The following LENG9 variants were observed in gnomAD, a reference collection of about 807,000 sequenced individuals.
LENG9 encodes the protein leukocyte receptor cluster member 9.
For synonymous variants in LENG9, 410 were observed against 303.9 expected (o/e 1.35, Z -3.63); for missense variants, 872 against 652.7 (o/e 1.34, Z -3.66).
Position 54,461,734 on chromosome 19 carries a change from G to GC in LENG9, c.*355dup. On this transcript the variant is annotated 3_prime_UTR_variant, in exon 1 of 1. Coordinates refer to ENST00000611161, the MANE Select transcript of LENG9 (RefSeq NM_001301782.2). ...ATGGATCACCAGCTCACGTCATGTTGCCTTCTCTTTTCTTTGTGTGTGTGT... is the reference window on the plus strand; with the variant it reads ...ATGGATCACCAGCTCACGTCATGTTGCCCTTCTCTTTTCTTTGTGTGTGTGT... 1 of 514,164 alleles carries GC rather than the reference G, an allele frequency of 1.9e-6. No homozygotes were observed. The highest frequency in any genetic ancestry group is 3.9e-6 in the Non-Finnish European group (1 of 256,590). The allele number at this position is 514,164 out of a possible 1,614,324, so 31.9% of individuals were successfully genotyped here.
Position 54,462,146 on chromosome 19 carries a change from G to C in LENG9, c.1381C>G (p.Arg461Gly). 1 of 1,604,312 alleles carries C rather than the reference G, an allele frequency of 6.2e-7. No homozygotes were observed. The highest frequency in any genetic ancestry group is 8.5e-7 in the Non-Finnish European group (1 of 1,174,442). Residue 461 changes from arginine (R) to glycine (G), a missense_variant, in exon 1 of 1, where the codon CGT (arginine) becomes GGT (glycine). By Grantham distance (125) the Arg-to-Gly change is moderately radical. Transcript: ENST00000611161. ...AAAGGCCCCCCTGTCCTCCCTATAC[G>C]GCACAGCCAGAGTGTCTGCAGGGGC... The part of the protein sequence containing the change: ...CQPLQTLWLC[R>G]IGRTGGPFQP...
rs1354378730 is a variant in LENG9, at chr19:54,461,873, A to G, written c.*217T>C. The G allele has an allele frequency of 2.8e-6, 2 of 717,232 alleles. No homozygotes were observed. Among genetic ancestry groups the G allele is most frequent in the Non-Finnish European group, 5.1e-6 (2 of 388,958 alleles). 44.4% of individuals were successfully genotyped at this position (717,232 alleles called of 1,614,324 possible). ...TGAGTTTGCAAACAGCTGGACTGTC[A>G]GGCTGCTTTTTTTCCAGATGTTCCT... On this transcript the variant is annotated 3_prime_UTR_variant, in exon 1 of 1. Transcript: ENST00000611161.
In LENG9 at chr19:54,463,220, C is replaced by A; in HGVS notation, c.307G>T (p.Ala103Ser). 6.5e-7 allele frequency: 1 copy of A among 1,549,996 alleles called. No homozygotes were observed. The highest frequency in any genetic ancestry group is 8.7e-7 in the Non-Finnish European group (1 of 1,154,106). The change falls in exon 1 of 1, where the codon GCC becomes TCC. Residue 103 changes from alanine (A) to serine (S), a missense_variant. Transcript: ENST00000611161. ...GCCAGCGGCTGGTCCCAGCAAAAGGCGCTGAAGGGCTCCTCGCGCACACCC... is the reference window on the plus strand; with the variant it reads ...GCCAGCGGCTGGTCCCAGCAAAAGGAGCTGAAGGGCTCCTCGCGCACACCC... ...FLGVREEPFS[A>S]FCWDQPLAAL... is the part of the protein sequence containing the mutation.
chr19:54,462,957 T>G lies in LENG9; in HGVS notation c.570A>C (p.Arg190=). ...TGQEAQAAPK[R]GSTRPLCTGH... is the part of the protein sequence containing the mutation. ...CTGTGCAGAGCGGCCTTGTGCTCCC[T>G]CGCTTGGGGGCAGCCTGGGCCTCCT... Residue 190 remains arginine (R), a synonymous_variant, in exon 1 of 1, where the codon CGA becomes CGC. Transcript: ENST00000611161. 1 of 1,610,158 alleles carries G rather than the reference T, an allele frequency of 6.2e-7. No individual in the cohort carries two copies. The highest frequency in any genetic ancestry group is 8.5e-7 in the Non-Finnish European group (1 of 1,179,832).
In LENG9 at chr19:54,462,063, A is replaced by G; in HGVS notation, c.*27T>C. On this transcript the variant is annotated 3_prime_UTR_variant, in exon 1 of 1. Coordinates refer to ENST00000611161, the MANE Select transcript of LENG9 (RefSeq NM_001301782.2). ...TTTCCTGTGTGGGCTGTTTGCATCC[A>G]TTGTCTCCTCCAGAGGTCTGGGGGT... The G allele has an allele frequency of 6.5e-7, 1 of 1,543,836 alleles. No individual in the cohort carries two copies. The highest frequency in any genetic ancestry group is 8.7e-7 in the Non-Finnish European group (1 of 1,148,646).
rs1569317169 is a variant in LENG9 at position 54,462,723 on chromosome 19, CTCAGCGGAG to C, written c.795_803del (p.Ser266_Glu268del). On this transcript the variant is annotated inframe_deletion, in exon 1 of 1. Coordinates refer to ENST00000611161, the MANE Select transcript of LENG9 (RefSeq NM_001301782.2). ...CAGGACCCCACTCGGCTTCTGTCGT[CTCAGCGGAG>C]CCCCCCGGGACTCCCAGGGCCTGTG... is the stretch of plus-strand genomic sequence containing the variant. 10 of 1,610,806 alleles carry C rather than the reference CTCAGCGGAG, an allele frequency of 6.2e-6. No homozygotes were observed. Among genetic ancestry groups the C allele is most frequent in the Non-Finnish European group, 8.5e-6 (10 of 1,179,994 alleles).
Position 54,462,334 on chromosome 19 carries a change from C to T in LENG9, c.1193G>A (p.Ser398Asn), listed in dbSNP as rs774265576. ...LCAPPSPTLE[S>N]MAQVLSQRLE... Reference sequence around the variant, plus strand: ...CCTCTGGCTCAGCACTTGTGCCATGCTTTCCAGTGTGGGAGAGGGTGGGGC... The same window carrying T: ...CCTCTGGCTCAGCACTTGTGCCATGTTTTCCAGTGTGGGAGAGGGTGGGGC... The change falls in exon 1 of 1, where the codon AGC (serine) becomes AAC (asparagine). Residue 398 changes from serine to asparagine, a missense_variant. By Grantham distance (46) the Ser-to-Asn change is conservative. Coordinates refer to ENST00000611161, the MANE Select transcript of LENG9 (RefSeq NM_001301782.2). 4 of 1,607,598 alleles carry T rather than the reference C, an allele frequency of 2.5e-6. No individual in the cohort carries two copies. In the Admixed American group the frequency reaches 5.0e-5, roughly 20 times the overall value.
At position 54,463,570 on chromosome 19, in the gene LENG9, C is replaced by G; in HGVS notation, c.-44G>C. 7.3e-7 allele frequency: 1 copy of G among 1,368,524 alleles called. No individual in the cohort carries two copies. 84.8% of individuals were successfully genotyped at this position (1,368,524 alleles called of 1,614,324 possible). A position where few individuals can be genotyped will look rare whatever the true frequency, so the allele number is the denominator to read the frequency against. ...CGCCCGCCGCGCAGACGAGGTCGCC[C>G]CGCACGGAGGGCGGCTCCCCTTGGA... On this transcript the variant is annotated 5_prime_UTR_variant, in exon 1 of 1. Coordinates refer to ENST00000611161, the MANE Select transcript of LENG9 (RefSeq NM_001301782.2).
Position 54,462,975 on chromosome 19 carries a change from G to A in LENG9, c.552C>T (p.Ala184=). 5.0e-6 allele frequency: 8 copies of A among 1,607,314 alleles called. No individual in the cohort carries two copies. Among genetic ancestry groups the A allele is most frequent in the South Asian group, 1.1e-5 (1 of 91,014 alleles). The part of the protein sequence containing the change: ...EWTLAGTGQE[A]QAAPKRGSTR... ...TGCTCCCTCGCTTGGGGGCAGCCTG[G>A]GCCTCCTGACCTGTCCCCGCCAGTG... Residue 184 remains alanine, a synonymous_variant, in exon 1 of 1, where the codon GCC becomes GCT. Transcript: ENST00000611161.
In LENG9 at chr19:54,462,693, G is replaced by A; in HGVS notation, c.834C>T (p.Ala278=). The change falls in exon 1 of 1, where the codon GCC becomes GCT. Residue 278 remains alanine (A), a synonymous_variant. Transcript: ENST00000611161. ...GGCGGGCCCTTTTGTCCTCGGGCCA[G>A]GCCGCAGGACCCCACTCGGCTTCTG... ...ETTEAEWGPA[A]WPEDKRARLS... The A allele has an allele frequency of 6.2e-7, 1 of 1,611,186 alleles. No individual in the cohort carries two copies. The highest frequency in any genetic ancestry group is 1.3e-5 in the African/African-American group (1 of 75,052).
rs1449353577 is a variant in LENG9, at chr19:54,462,068, C to G, written c.*22G>C. 6.9e-5 allele frequency: 107 copies of G among 1,546,142 alleles called. No homozygotes were observed. The East Asian group carries it at 2.3e-3, about 33-fold the overall frequency. On this transcript the variant is annotated 3_prime_UTR_variant, in exon 1 of 1. Coordinates refer to ENST00000611161, the MANE Select transcript of LENG9 (RefSeq NM_001301782.2). ...TGTGTGGGCTGTTTGCATCCATTGTCTCCTCCAGAGGTCTGGGGGTGTCAC... is the reference window on the plus strand; with the variant it reads ...TGTGTGGGCTGTTTGCATCCATTGTGTCCTCCAGAGGTCTGGGGGTGTCAC...
In LENG9 at chr19:54,463,356, G is replaced by C; in HGVS notation, c.171C>G (p.Ala57=). 1 of 1,370,092 alleles carries C rather than the reference G, an allele frequency of 7.3e-7. No individual in the cohort carries two copies. Among genetic ancestry groups the C allele is most frequent in the Non-Finnish European group, 9.4e-7 (1 of 1,064,044 alleles). 84.9% of individuals were successfully genotyped at this position (1,370,092 alleles called of 1,614,324 possible). Residue 57 remains alanine (A), a synonymous_variant, in exon 1 of 1, where the codon GCC becomes GCG. Transcript: ENST00000611161. ...TGCGCAGCGGCGGCTTCTTGGCCCCGGCCTCCGGCTGCGCCTCGCGGCCAG... is the reference window on the plus strand; with the variant it reads ...TGCGCAGCGGCGGCTTCTTGGCCCCCGCCTCCGGCTGCGCCTCGCGGCCAG... The part of the protein sequence containing the change: ...APPGREAQPE[A]GAKKPPLRTA...
Position 54,463,701 on chromosome 19 carries a change from G to C in LENG9, c.-175C>G. 1 of 855,172 alleles carries C rather than the reference G, an allele frequency of 1.2e-6. No homozygotes were observed. Among genetic ancestry groups the C allele is most frequent in the South Asian group, 5.5e-5 (1 of 18,334 alleles). The allele number at this position is 855,172 out of a possible 1,614,324, so 53.0% of individuals were successfully genotyped here. A position where few individuals can be genotyped will look rare whatever the true frequency, so the allele number is the denominator to read the frequency against. Reference sequence around the variant, plus strand: ...AGGACTCTGGCCCAGTCCCTCCTTGGTGGAGAGCCTGACACCGCTGCTCTG... The same window carrying C: ...AGGACTCTGGCCCAGTCCCTCCTTGCTGGAGAGCCTGACACCGCTGCTCTG... On this transcript the variant is annotated 5_prime_UTR_variant, in exon 1 of 1. Transcript: ENST00000611161.
Position 54,462,224 on chromosome 19 carries a change from G to A in LENG9, c.1303C>T (p.Gln435Ter). The change falls in exon 1 of 1, where the codon CAG (glutamine) becomes TAG (stop). Residue 435 changes from glutamine (Q) to a stop codon, truncating the protein, a stop_gained. Transcript: ENST00000611161. LOFTEE classifies it low-confidence loss of function (END_TRUNC). Reference protein sequence around the residue: ...LTVAKVPHGSQVHLPKLEFTL... With the variant: ...LTVAKVPHGS ...AACTCCAGCTTGGGGAGGTGGACCTGGGAACCATGGGGCACCTTGGCCACG... is the reference window on the plus strand; with the variant it reads ...AACTCCAGCTTGGGGAGGTGGACCTAGGAACCATGGGGCACCTTGGCCACG... The A allele has an allele frequency of 6.2e-7, 1 of 1,613,560 alleles. No individual in the cohort carries two copies. The highest frequency in any genetic ancestry group is 1.1e-5 in the South Asian group (1 of 91,014).
rs776692966 is a variant in LENG9 at position 54,462,087 on chromosome 19, G to A, written c.*3C>T. The A allele has an allele frequency of 2.2e-5, 35 of 1,559,142 alleles. No homozygotes were observed. The highest frequency in any genetic ancestry group is 2.8e-5 in the Non-Finnish European group (32 of 1,153,726). On this transcript the variant is annotated 3_prime_UTR_variant, in exon 1 of 1. Transcript: ENST00000611161. ...CATTGTCTCCTCCAGAGGTCTGGGGGTGTCACTCCAGGGGGATCTCAGCCA... is the reference window on the plus strand; with the variant it reads ...CATTGTCTCCTCCAGAGGTCTGGGGATGTCACTCCAGGGGGATCTCAGCCA...
In LENG9 at chr19:54,462,742, A is replaced by G. The variant is rs1450038428; in HGVS notation, c.785T>C (p.Val262Ala). Residue 262 changes from valine to alanine, a missense_variant, in exon 1 of 1, where the codon GTC becomes GCC. By Grantham distance (64) the Val-to-Ala change is moderately conservative. Coordinates refer to ENST00000611161, the MANE Select transcript of LENG9 (RefSeq NM_001301782.2). ...TGTCGTCTCAGCGGAGCCCCCCGGGACTCCCAGGGCCTGTGCTTCCTTGCC... is the reference window on the plus strand; with the variant it reads ...TGTCGTCTCAGCGGAGCCCCCCGGGGCTCCCAGGGCCTGTGCTTCCTTGCC... ...LGGKEAQALGVPGGSAETTEA... is the reference protein window; with the variant it reads ...LGGKEAQALGAPGGSAETTEA... 1.2e-6 allele frequency: 2 copies of G among 1,610,130 alleles called. No individual in the cohort carries two copies. Among genetic ancestry groups the G allele is most frequent in the African/African-American group, 1.3e-5 (1 of 74,580 alleles).
chr19:54,462,987 T>G lies in LENG9; in HGVS notation c.540A>C (p.Thr180=). Residue 180 remains threonine, a synonymous_variant, in exon 1 of 1, where the codon ACA becomes ACC. Transcript: ENST00000611161. ...AEGAEWTLAG[T]GQEAQAAPKR... is the part of the protein sequence containing the mutation. Reference sequence around the variant, plus strand: ...TGGGGGCAGCCTGGGCCTCCTGACCTGTCCCCGCCAGTGTCCACTCGGCAC... The same window carrying G: ...TGGGGGCAGCCTGGGCCTCCTGACCGGTCCCCGCCAGTGTCCACTCGGCAC... 1 of 1,604,684 alleles carries G rather than the reference T, an allele frequency of 6.2e-7. No individual in the cohort carries two copies. The highest frequency in any genetic ancestry group is 8.5e-7 in the Non-Finnish European group (1 of 1,179,064).
Position 54,463,387 on chromosome 19 carries a change from G to C in LENG9, c.140C>G (p.Ala47Gly). The change falls in exon 1 of 1, where the codon GCG becomes GGG. Residue 47 changes from alanine (A) to glycine (G), a missense_variant. Transcript: ENST00000611161. ...CGGCTGCGCCTCGCGGCCAGGCGGC[G>C]CCGGCGCCCCAGGGTGGGGCTGGCG... ...RCRQPHPGAP[A>G]PPGREAQPEA... 1.5e-6 allele frequency: 2 copies of C among 1,293,824 alleles called. No homozygotes were observed. The highest frequency in any genetic ancestry group is 2.0e-6 in the Non-Finnish European group (2 of 1,024,448). The allele number at this position is 1,293,824 out of a possible 1,614,324, so 80.1% of individuals were successfully genotyped here.
chr19:54,462,423 C>T lies in LENG9; in HGVS notation c.1104G>A (p.Gly368=), dbSNP rs1200882971. ...AGCTCAGCCGAGGGGGTGCATTTAG[C>T]CCCGGGGCCAAGAGGGCCCGTCTCA... The part of the protein sequence containing the change: ...GALRRALLAP[G]LNAPPRLSFR... Residue 368 remains glycine (G), a synonymous_variant, in exon 1 of 1, where the codon GGG becomes GGA. Coordinates refer to ENST00000611161, the MANE Select transcript of LENG9 (RefSeq NM_001301782.2). 4 of 1,613,470 alleles carry T rather than the reference C, an allele frequency of 2.5e-6. No individual in the cohort carries two copies. In the South Asian group the frequency reaches 3.3e-5, roughly 13 times the overall value.
Sources: gnomAD v4.1 joint callset for allele counts on GRCh38, gnomAD v4.1.1 for gene constraint, MANE v1.5 for transcripts, NCBI Gene and HGNC (gene_info 2026-07-23, HGNC 2026-07-21) for gene names.